BIRC6: variants seen among roughly 807,000 people sequenced by gnomAD.
BIRC6 encodes baculoviral IAP repeat containing 6, also known as dual E2 ubiquitin-conjugating enzyme/E3 ubiquitin-protein ligase BIRC6.
Under a neutral mutation model 503.3 loss-of-function variants are expected in BIRC6, and 98 were observed. That is an observed-to-expected ratio of 0.19 (90% confidence interval 0.17 to 0.23). The LOEUF (loss-of-function observed/expected upper bound fraction) is 0.23. BIRC6 is among the 10% of genes least tolerant of loss of function. The pLI is 1.00. For synonymous variants in BIRC6, 2,240 were observed against 2,078.7 expected (o/e 1.08, Z -2.11); for missense variants, 5,360 against 5,806.0 (o/e 0.92, Z 2.50).
chr2:32,606,417 G>A (rs983846949), intron 71 of BIRC6, among the ~76,000 whole-genome samples: 4 of 149,568 alleles, frequency 2.7e-5, no homozygotes, highest in African/African-American at 9.8e-5. Flanking sequence ...GCAAAACCCC[G>A]TCTCTACTAA....
chr2:32,495,812 G>A (rs1238641619), intron 45 of BIRC6, among the ~76,000 whole-genome samples: 1 of 21,846 alleles, frequency 4.6e-5, no homozygotes, highest in Non-Finnish European at 9.8e-5. Flanking sequence ...TTTTTTTTTT[G>A]CCTGTGGATG....
chr2:32,470,938 T>C (rs2049033203), intron 31 of BIRC6, 76 bp from the exon 32 acceptor site: 2 of 1,416,224 alleles, frequency 1.4e-6, no homozygotes, highest in Non-Finnish European at 1.9e-6. Flanking sequence ...ATGTTTTGTT[T>C]CACTTATATT....
chr2:32,443,338 T>C (rs2045620496), intron 19 of BIRC6, 153 bp from the exon 20 acceptor site: 1 of 569,316 alleles, frequency 1.8e-6, no homozygotes, highest in South Asian at 2.5e-5. Flanking sequence ...CAGTTCCCGC[T>C]ATCTTTTGGT....
At chr2:32,545,945 C>CT in intron 63 of BIRC6, 85 bp downstream of exon 63, 1 of 1,187,692 alleles carries the variant, frequency 8.4e-7, no homozygotes, top group Admixed American at 2.2e-5. Flanking sequence ...CTGAATTAAT[C>CT]TTTCAGAGAC....
At chr2:32,362,692 A>T (rs2034306608) in intron 1 of BIRC6, among the ~76,000 whole-genome samples, 1 of 151,922 alleles carries the variant, frequency 6.6e-6, no homozygotes, top group Non-Finnish European at 1.5e-5. Flanking sequence ...TATGTCCTTC[A>T]CCCTAGCTAT....
intron 50 of BIRC6, among the ~76,000 whole-genome samples, chr2:32,507,675 G>A (rs958675793): frequency 2.6e-5 from 4 of 152,070 alleles, no homozygotes; most frequent in Non-Finnish European, 5.9e-5. Context: ...CTATTTGGCT[G>A]GTTTTATTCA....
intron 61 of BIRC6, chr2:32,532,205 T>TA: frequency 1.9e-6 from 1 of 530,854 alleles, no homozygotes; most frequent in Non-Finnish European, 3.9e-6. Context: ...GACTCTATTA[T>TA]AGTTTCCTGA....
chr2:32,451,833 A>G (rs1414592833), intron 22 of BIRC6, among the ~76,000 whole-genome samples: 1 of 152,216 alleles, frequency 6.6e-6, no homozygotes, highest in Non-Finnish European at 1.5e-5. Flanking sequence ...CCCAGTATGT[A>G]GACTTTTCTC....
chr2:32,499,439 TAA>T (rs1363219297), intron 45 of BIRC6, 106 bp from the exon 46 acceptor site: 4 of 961,878 alleles, frequency 4.2e-6, no homozygotes, highest in South Asian at 1.9e-5. Context: ...TGTATTGTGA[TAA>T]GTTACTACTT....
chr2:32,424,448 G>T (rs1385010436), intron 10 of BIRC6, among the ~76,000 whole-genome samples: 3 of 151,320 alleles, frequency 2.0e-5, no homozygotes, highest in Admixed American at 6.6e-5. Flanking sequence ...TTGAGTACCC[G>T]TTTTCAGTTG....
chr2:32,388,529 C>T (rs1204330973), intron 3 of BIRC6, among the ~76,000 whole-genome samples: 2 of 152,194 alleles, frequency 1.3e-5, no homozygotes, highest in Non-Finnish European at 2.9e-5. Flanking sequence ...TTTCTTTACC[C>T]AGTCACCCAT....
chr2:32,595,941 G>C (rs1205516567), intron 68 of BIRC6, among the ~76,000 whole-genome samples: 1 of 152,008 alleles, frequency 6.6e-6, no homozygotes, highest in African/African-American at 2.4e-5. Flanking sequence ...GCCTGACTCA[G>C]CTTGGCAATC....
At chr2:32,549,910 G>A (rs1223120406) in intron 65 of BIRC6, among the ~76,000 whole-genome samples, 5 of 152,086 alleles carry the variant, frequency 3.3e-5, no homozygotes, top group Non-Finnish European at 1.5e-5. Flanking sequence ...TACTTGATAA[G>A]ATGATGATTA....
In BIRC6 at chr2:32,401,567, G is replaced by C; in HGVS notation, c.1362G>C (p.Leu454Phe). ...SSGVDSRRPTLAWLEDSSSCS... is the reference protein window; with the variant it reads ...SSGVDSRRPTFAWLEDSSSCS... ...GAGTTGATTCAAGGAGACCAACTTTGGCGTGGCTGGAGGACTCCTCTAGTT... is the reference window on the plus strand; with the variant it reads ...GAGTTGATTCAAGGAGACCAACTTTCGCGTGGCTGGAGGACTCCTCTAGTT... The change falls in exon 8 of 74, where the codon TTG (leucine) becomes TTC (phenylalanine). Residue 454 changes from leucine to phenylalanine, a missense_variant. Leu to Phe is a conservative substitution (Grantham distance 22). This residue lies in a region of BIRC6 where 700 missense variants were observed against 739.3 expected (regional missense o/e 0.95). Coordinates refer to ENST00000421745, the MANE Select transcript of BIRC6 (RefSeq NM_016252.4). The C allele has an allele frequency of 1.9e-6, 3 of 1,613,962 alleles. No individual in the cohort carries two copies. The highest frequency in any genetic ancestry group is 2.5e-6 in the Non-Finnish European group (3 of 1,179,888).
At position 32,441,471 on chromosome 2, in the gene BIRC6, A is replaced by G. The variant is rs778314624; in HGVS notation, c.3944+9A>G. Reference sequence around the variant, plus strand: ...TCAATTTCTAAGGAAAGGTAATTTCATTGCATTATCTTGTTATTCTTACAG... The same window carrying G: ...TCAATTTCTAAGGAAAGGTAATTTCGTTGCATTATCTTGTTATTCTTACAG... On this transcript the variant is annotated intron_variant, in intron 17 of 73. Coordinates refer to ENST00000421745, the MANE Select transcript of BIRC6 (RefSeq NM_016252.4). The G allele has an allele frequency of 1.2e-6, 2 of 1,604,032 alleles. No individual in the cohort carries two copies. The highest frequency in any genetic ancestry group is 1.1e-5 in the South Asian group (1 of 89,944).
At chr2:32,369,027 A>T (rs546036563) in intron 1 of BIRC6, among the ~76,000 whole-genome samples, 1 of 152,188 alleles carries the variant, frequency 6.6e-6, no homozygotes, top group Non-Finnish European at 1.5e-5. Flanking sequence ...GGATGATGGT[A>T]TATTAAATTT....
rs530340657 is a variant in BIRC6 at position 32,451,101 on chromosome 2, C to T, written c.4618+2173C>T. 4.6e-5 allele frequency among the ~76,000 whole-genome samples: 7 copies of T among 152,318 alleles called. No homozygotes were observed. The East Asian group carries it at 1.4e-3, about 29-fold the overall frequency. On this transcript the variant is annotated intron_variant, in intron 22 of 73. Coordinates refer to ENST00000421745, the MANE Select transcript of BIRC6 (RefSeq NM_016252.4). ...CAATCATAGCTTTCACACTGGTCTGCCTACATCTGTTCTTGCCTCACTTTA... is the reference window on the plus strand; with the variant it reads ...CAATCATAGCTTTCACACTGGTCTGTCTACATCTGTTCTTGCCTCACTTTA...
At chr2:32,399,780 T>A (rs921771031) in intron 6 of BIRC6, among the ~76,000 whole-genome samples, 3 of 151,926 alleles carry the variant, frequency 2.0e-5, no homozygotes, top group Non-Finnish European at 4.4e-5. Context: ...TATTTTAATT[T>A]AAATTTTTAA....
rs1335706636 is a variant in BIRC6 at position 32,549,361 on chromosome 2, G to T, written c.13024G>T (p.Ala4342Ser). Residue 4342 changes from alanine (A) to serine (S), a missense_variant, in exon 65 of 74, where the codon GCT becomes TCT. Ala to Ser is a moderately conservative substitution (Grantham distance 99). Transcript: ENST00000421745. ...CGTCAGTAGTGCGGTAAATGGAGAAGCTCAGTCATCTCATGAGACTAGAGG... is the reference window on the plus strand; with the variant it reads ...CGTCAGTAGTGCGGTAAATGGAGAATCTCAGTCATCTCATGAGACTAGAGG... ...NPVSSAVNGE[A>S]QSSHETRGQN... 6.7e-7 allele frequency: 1 copy of T among 1,499,300 alleles called. No individual in the cohort carries two copies. Among genetic ancestry groups the T allele is most frequent in the African/African-American group, 1.4e-5 (1 of 73,414 alleles). 92.9% of individuals were successfully genotyped at this position (1,499,300 alleles called of 1,614,324 possible).
Sources: gnomAD v4.1 joint callset for allele counts (sites outside exome capture counted in the v4.1 genomes callset) on GRCh38, gnomAD v4.1.1 for gene constraint, gnomAD v4.1.1 regional missense constraint, MANE v1.5 for transcripts, NCBI Gene and HGNC (gene_info 2026-07-23, HGNC 2026-07-21) for gene names.